Variants in CKS1B observed in about 807,000 individuals in gnomAD.
CKS1B encodes CDC28 protein kinase regulatory subunit 1B.
A neutral mutation model predicts 12.2 loss-of-function variants in CKS1B; 5 were observed. The ratio of observed to expected loss-of-function variants is 0.41; its 90% CI spans 0.21 to 0.86. CKS1B has a LOEUF of 0.86. Among genes scored for constraint, CKS1B ranks in the 40% least tolerant of loss-of-function variants. CKS1B has a pLI of 0.32. For missense variants in CKS1B, 53 were observed against 99.9 expected (o/e 0.53, Z 2.00); for synonymous variants, 24 against 34.4 (o/e 0.70, Z 1.06).
rs1460708205 is a variant in CKS1B, at chr1:154,974,756, A to G, written c.11A>G (p.Lys4Arg). The change falls in exon 1 of 3, where the codon AAA becomes AGA. Residue 4 changes from lysine (K) to arginine (R), a missense_variant. By Grantham distance (26) the Lys-to-Arg change is conservative. Transcript: ENST00000308987. MSHKQIYYSDKYDD... is the reference protein window; with the variant it reads MSHRQIYYSDKYDD... ...GCAAACCGAGCGATCATGTCGCACA[A>G]ACAAATTTACTATTCGGACAAATAC... 2 of 1,608,726 alleles carry G rather than the reference A, an allele frequency of 1.2e-6. No homozygotes were observed. Among genetic ancestry groups the G allele is most frequent in the East Asian group, 4.5e-5 (2 of 44,734 alleles).
intron 1 of CKS1B, chr1:154,977,284 T>C (rs1310049795): frequency 1.3e-5 from 2 of 152,076 alleles, no homozygotes; most frequent in African/African-American, 4.8e-5. Context: ...CCGGCTAATT[T>C]TTGTATTTTT....
chr1:154,975,313 A>G (rs1013110812), intron 1 of CKS1B, among the ~76,000 whole-genome samples: 4 of 152,164 alleles, frequency 2.6e-5, no homozygotes, highest in African/African-American at 4.8e-5. Flanking sequence ...TGGGACTGCA[A>G]TGGAATAAAA....
At chr1:154,977,947 G>C in intron 1 of CKS1B, 40 bp from the exon 2 acceptor site, 1 of 1,599,000 alleles carries the variant, frequency 6.3e-7, no homozygotes, top group Non-Finnish European at 8.5e-7. Context: ...ACTGTATCTG[G>C]TACTAACATA....
In CKS1B at chr1:154,975,958, G is replaced by GA. The variant is rs368825844; in HGVS notation, c.59+1165dup. Among the ~76,000 whole-genome samples the GA allele has an allele frequency of 9.5e-3, 1,383 of 145,534 alleles. 17 individuals are homozygous for GA. The highest frequency in any genetic ancestry group is 0.03 in the African/African-American group (1,188 of 39,976). ...AGGGTGGGAGGAGGTAGAGGTTCAG[G>GA]AAAAAAAAAAACTGTCGGGTACTAT... On this transcript the variant is annotated intron_variant, in intron 1 of 2. Coordinates refer to ENST00000308987, the MANE Select transcript of CKS1B (RefSeq NM_001826.3).
intron 1 of CKS1B, 123 bp from the exon 2 acceptor site, chr1:154,977,864 T>C (rs184776487): frequency 1.4e-5 from 13 of 943,174 alleles, no homozygotes; most frequent in Non-Finnish European, 1.9e-5. Context: ...ACAATAAAAT[T>C]ATATAAACTC....
chr1:154,978,341 C>A, intron 2 of CKS1B: 1 of 553,022 alleles, frequency 1.8e-6, no homozygotes, highest in Non-Finnish European at 3.2e-6. Flanking sequence ...ATCTTTCATT[C>A]AATCAGAGGG....
chr1:154,978,090 G>A lies in CKS1B; in HGVS notation c.163G>A (p.Val55Ile), dbSNP rs1233901611. Residue 55 changes from valine (V) to isoleucine (I), a missense_variant, in exon 2 of 3, where the codon GTC becomes ATC. Physicochemically the swap from Val to Ile is conservative, Grantham distance 29 (BLOSUM62 3). Transcript: ENST00000308987. ...TGGCGTTCAGCAGAGTCAGGGATGG[G>A]TCCATTATATGATCCATGAACCAGG... ...NLGVQQSQGW[V>I]HYMIHEPEPH... 1 of 1,613,952 alleles carries A rather than the reference G, an allele frequency of 6.2e-7. No homozygotes were observed. Among genetic ancestry groups the A allele is most frequent in the African/African-American group, 1.3e-5 (1 of 74,894 alleles).
In CKS1B at chr1:154,978,791, C is replaced by G; in HGVS notation, c.*14C>G. On this transcript the variant is annotated 3_prime_UTR_variant, in exon 3 of 3. Transcript: ENST00000308987. ...CCAAAGAAATGAAGCTGGCAAGCTACTTTTCAGCCTCAAGCTTTACACAGC... is the reference window on the plus strand; with the variant it reads ...CCAAAGAAATGAAGCTGGCAAGCTAGTTTTCAGCCTCAAGCTTTACACAGC... 1 of 1,528,122 alleles carries G rather than the reference C, an allele frequency of 6.5e-7. No individual in the cohort carries two copies. The highest frequency in any genetic ancestry group is 9.1e-7 in the Non-Finnish European group (1 of 1,102,576). The allele number at this position is 1,528,122 out of a possible 1,614,324, so 94.7% of individuals were successfully genotyped here. A position where few individuals can be genotyped will look rare whatever the true frequency, so the allele number is the denominator to read the frequency against.
At chr1:154,978,470 A>T (rs1657244271) in intron 2 of CKS1B, 1 of 560,260 alleles carries the variant, frequency 1.8e-6, no homozygotes. Context: ...AAGACACCAG[A>T]CACCCAGCTG....
At chr1:154,978,265 G>A (rs558187582) in intron 2 of CKS1B, 151 bp downstream of exon 2, 536 of 815,372 alleles carry the variant, frequency 6.6e-4, no homozygotes, top group Middle Eastern at 7.2e-4. Flanking sequence ...AAAAACTAGT[G>A]ACCAAAAATA....
At chr1:154,978,235 C>T in intron 2 of CKS1B, 121 bp downstream of exon 2, 2 of 1,043,714 alleles carry the variant, frequency 1.9e-6, no homozygotes, top group East Asian at 3.0e-5. Flanking sequence ...CCCCTCCAGT[C>T]GTGGGGGATT....
Position 154,974,732 on chromosome 1 carries a change from C to G in CKS1B, c.-14C>G, listed in dbSNP as rs1316533824. 4 of 1,584,994 alleles carry G rather than the reference C, an allele frequency of 2.5e-6. No individual in the cohort carries two copies. The stretch of plus-strand genomic sequence containing the variant: ...TTGGCGGCGCGGGGCTGAAGGCTAG[C>G]AAACCGAGCGATCATGTCGCACAAA... On this transcript the variant is annotated 5_prime_UTR_variant, in exon 1 of 3. Coordinates refer to ENST00000308987, the MANE Select transcript of CKS1B (RefSeq NM_001826.3).
chr1:154,977,929 T>C (rs1477946174), intron 1 of CKS1B, 58 bp from the exon 2 acceptor site: 26 of 1,549,934 alleles, frequency 1.7e-5, no homozygotes, highest in Non-Finnish European at 2.2e-5. Flanking sequence ...CAGGCATTTG[T>C]CTAAGAGACT....
intron 1 of CKS1B, chr1:154,977,199 G>T (rs528443511): frequency 6.6e-6 from 1 of 151,636 alleles, no homozygotes; most frequent in Non-Finnish European, 1.5e-5. Context: ...TGCAACCTCC[G>T]CCTCCTGGAT....
intron 2 of CKS1B, 88 bp from the exon 3 acceptor site, chr1:154,978,637 G>A: frequency 9.4e-7 from 1 of 1,061,662 alleles, no homozygotes; most frequent in Non-Finnish European, 1.4e-6. Flanking sequence ...CTGAGTGGGT[G>A]ATAGCTGGGG....
intron 1 of CKS1B, chr1:154,975,197 G>T (rs768279793): frequency 3.4e-6 from 2 of 583,016 alleles, no homozygotes; most frequent in Non-Finnish European, 3.1e-6. Context: ...AAGTTTCCTG[G>T]CGTCCCTAAC....
At chr1:154,978,680 T>C (rs750188097) in intron 2 of CKS1B, 45 bp from the exon 3 acceptor site, 39 of 1,560,962 alleles carry the variant, frequency 2.5e-5, no homozygotes, top group Admixed American at 1.0e-4. Flanking sequence ...AGGTTGTACA[T>C]AGAATGGTGT....
At position 154,979,023 on chromosome 1, in the gene CKS1B, T is replaced by C. The variant is rs969973111; in HGVS notation, c.*246T>C. 1 of 516,936 alleles carries C rather than the reference T, an allele frequency of 1.9e-6. No homozygotes were observed. The highest frequency in any genetic ancestry group is 3.5e-6 in the Non-Finnish European group (1 of 284,490). 32.0% of individuals were successfully genotyped at this position (516,936 alleles called of 1,614,324 possible). A position where few individuals can be genotyped will look rare whatever the true frequency, so the allele number is the denominator to read the frequency against. On this transcript the variant is annotated 3_prime_UTR_variant, in exon 3 of 3. Coordinates refer to ENST00000308987, the MANE Select transcript of CKS1B (RefSeq NM_001826.3). ...CTGAGTGTGACCCCAGAAGCCACGA[T>C]GTGCTCTGTATCCAGAACACACTTG... is the stretch of plus-strand genomic sequence containing the variant.
At chr1:154,977,523 G>A (rs1198211536) in intron 1 of CKS1B, 1 of 153,672 alleles carries the variant, frequency 6.5e-6, no homozygotes, top group Non-Finnish European at 1.4e-5. Context: ...TGGGACTGTA[G>A]GTTTGTGCCA....
Sources: gnomAD v4.1 joint callset for allele counts (sites outside exome capture counted in the v4.1 genomes callset) on GRCh38, gnomAD v4.1.1 for gene constraint, MANE v1.5 for transcripts, NCBI Gene and HGNC (gene_info 2026-07-23, HGNC 2026-07-21) for gene names.